Variants in VPS8 observed in about 807,000 individuals in gnomAD.
VPS8 encodes the protein VPS8 subunit of CORVET complex.
Under a neutral mutation model 216.4 loss-of-function variants are expected in VPS8, and 129 were observed. The ratio of observed to expected loss-of-function variants is 0.60; its 90% CI spans 0.52 to 0.69. The LOEUF is 0.69. VPS8 is among the 30% of genes least tolerant of loss of function. The pLI, the probability that VPS8 is intolerant of heterozygous loss-of-function variation, is 0.00. For missense variants in VPS8, 1,531 were observed against 1,683.5 expected (o/e 0.91, Z 1.59); for synonymous variants, 571 against 565.4 (o/e 1.01, Z -0.14).
At chr3:185,047,247 G>A (rs142625277) in intron 46 of VPS8, among the ~76,000 whole-genome samples, 111 of 152,330 alleles carry the variant, frequency 7.3e-4, no homozygotes, top group African/African-American at 2.5e-3. Context: ...AGTTAGTAGC[G>A]CTCAGTGAGA....
chr3:185,044,378 A>G (rs1712370903), intron 46 of VPS8, among the ~76,000 whole-genome samples: 1 of 152,096 alleles, frequency 6.6e-6, no homozygotes, highest in African/African-American at 2.4e-5. Flanking sequence ...TAACAATAAG[A>G]AAAGTACCTA....
At chr3:184,925,115 A>G (rs1739346177) in intron 30 of VPS8, 134 bp downstream of exon 30, 1 of 1,261,914 alleles carries the variant, frequency 7.9e-7, no homozygotes, top group Non-Finnish European at 1.1e-6. Flanking sequence ...CAGGTTTTGG[A>G]TCTAAGTTAG....
At chr3:185,015,001 C>T (rs1439890253) in intron 45 of VPS8, among the ~76,000 whole-genome samples, 1 of 152,190 alleles carries the variant, frequency 6.6e-6, no homozygotes, top group Non-Finnish European at 1.5e-5. Context: ...GCTAGTCTCC[C>T]AAACGAGGGA....
chr3:184,832,814 A>G lies in VPS8; in HGVS notation c.348A>G (p.Leu116=), dbSNP rs1262315340. 6.2e-7 allele frequency: 1 copy of G among 1,607,504 alleles called. No homozygotes were observed. Among genetic ancestry groups the G allele is most frequent in the East Asian group, 2.2e-5 (1 of 44,830 alleles). Residue 116 remains leucine, a synonymous_variant, in exon 4 of 48, where the codon TTA becomes TTG. Coordinates refer to ENST00000625842, the MANE Select transcript of VPS8 (RefSeq NM_001009921.3). The part of the protein sequence containing the change: ...ASSDSGDRTN[L]KRKKKLPDSF... ...CAGATAGTGGTGACAGGACCAACTT[A>G]AAAAGGTAGGTATTCATGTCAATCA... is the stretch of plus-strand genomic sequence containing the variant.
At chr3:184,969,332 G>T (rs1577017275) in intron 39 of VPS8, among the ~76,000 whole-genome samples, 1 of 150,652 alleles carries the variant, frequency 6.6e-6, no homozygotes, top group African/African-American at 2.4e-5. Context: ...TGGTCAGACT[G>T]GTCTTGAACT....
chr3:184,850,043 T>C (rs1244363194), intron 10 of VPS8, 21 bp downstream of exon 10: 1 of 1,576,882 alleles, frequency 6.3e-7, no homozygotes, highest in South Asian at 1.2e-5. Flanking sequence ...TATTTTCTTT[T>C]CCTAATAATT....
intron 3 of VPS8, among the ~76,000 whole-genome samples, chr3:184,828,202 C>T (rs542343081): frequency 3.9e-5 from 6 of 152,234 alleles, no homozygotes; most frequent in African/African-American, 7.2e-5. Context: ...TGCAATGGCA[C>T]GATCTTGGCT....
At chr3:184,914,100 C>G (rs911993344) in intron 26 of VPS8, among the ~76,000 whole-genome samples, 5 of 152,176 alleles carry the variant, frequency 3.3e-5, no homozygotes, top group Non-Finnish European at 5.9e-5. Flanking sequence ...GAATTGAGCC[C>G]TGATAGAACT....
intron 9 of VPS8, 61 bp downstream of exon 9, chr3:184,849,256 ACTTACAT>A (rs1336360415): frequency 3.2e-6 from 5 of 1,571,974 alleles, no homozygotes; most frequent in Non-Finnish European, 4.3e-6. Context: ...ATTTACAAAA[ACTTACAT>A]CTTAGATCAA....
At chr3:184,814,988 A>G (rs551783611) in intron 1 of VPS8, among the ~76,000 whole-genome samples, 14 of 152,246 alleles carry the variant, frequency 9.2e-5, no homozygotes, top group Admixed American at 7.8e-4. Flanking sequence ...GCTTTTTTCT[A>G]TTTCAAAAAA....
At chr3:184,855,627 C>T in intron 13 of VPS8, 84 bp from the exon 14 acceptor site, 1 of 1,090,890 alleles carries the variant, frequency 9.2e-7, no homozygotes, top group Non-Finnish European at 1.4e-6. Context: ...GAACACTAGT[C>T]AGATGCTGTT....
chr3:185,000,964 C>T (rs539797515), intron 45 of VPS8, among the ~76,000 whole-genome samples: 1 of 152,288 alleles, frequency 6.6e-6, no homozygotes, highest in Non-Finnish European at 1.5e-5. Context: ...GGAAAACCTC[C>T]TGACTAACTT....
rs116408685 is a variant in VPS8 at position 184,910,094 on chromosome 3, C to G, written c.2147-3425C>G. Among the ~76,000 whole-genome samples the G allele has an allele frequency of 1.4e-3, 209 of 148,350 alleles. 2 individuals carry two copies. Among genetic ancestry groups the G allele is most frequent in the Non-Finnish European group, 7.0e-4 (47 of 67,144 alleles). Reference sequence around the variant, plus strand: ...TGAGGGTAGACAGAGTTTGGGGATCCTTCCTCTTTCTCTTTTCTTTGCAAG... The same window carrying G: ...TGAGGGTAGACAGAGTTTGGGGATCGTTCCTCTTTCTCTTTTCTTTGCAAG... On this transcript the variant is annotated intron_variant, in intron 25 of 47. Transcript: ENST00000625842.
intron 45 of VPS8, among the ~76,000 whole-genome samples, chr3:185,000,963 C>T (rs924440778): frequency 4.6e-5 from 7 of 152,150 alleles, no homozygotes; most frequent in Non-Finnish European, 1.0e-4. Flanking sequence ...GGGAAAACCT[C>T]CTGACTAACT....
chr3:184,831,269 G>C (rs982451466), intron 3 of VPS8, among the ~76,000 whole-genome samples: 6 of 152,214 alleles, frequency 3.9e-5, no homozygotes, highest in Admixed American at 3.9e-4. Context: ...TGAGGCTGCA[G>C]TGAGCTGTGA....
At chr3:184,910,481 G>A (rs1179440526) in intron 25 of VPS8, among the ~76,000 whole-genome samples, 1 of 152,122 alleles carries the variant, frequency 6.6e-6, no homozygotes, top group Non-Finnish European at 1.5e-5. Flanking sequence ...CAGAGCCCAC[G>A]TGTTTCTCTC....
intron 34 of VPS8, among the ~76,000 whole-genome samples, chr3:184,934,462 C>T (rs1264546603): frequency 6.6e-6 from 1 of 152,170 alleles, no homozygotes; most frequent in African/African-American, 2.4e-5. Flanking sequence ...TGAGCCACCA[C>T]GCCCAGCCCC....
At chr3:184,930,394 C>A in intron 33 of VPS8, 76 bp from the exon 34 acceptor site, 1 of 985,158 alleles carries the variant, frequency 1.0e-6, no homozygotes, top group Non-Finnish European at 1.5e-6. Context: ...TAGATGTTTA[C>A]CAAGACTGGT....
At chr3:184,977,250 G>C (rs1038310772) in intron 40 of VPS8, among the ~76,000 whole-genome samples, 2 of 152,006 alleles carry the variant, frequency 1.3e-5, no homozygotes, top group African/African-American at 4.8e-5. Context: ...GGCCACTTGC[G>C]TGTCTTCTTT....
Sources: gnomAD v4.1 joint callset for allele counts (sites outside exome capture counted in the v4.1 genomes callset) on GRCh38, gnomAD v4.1.1 for gene constraint, MANE v1.5 for transcripts, NCBI Gene and HGNC (gene_info 2026-07-23, HGNC 2026-07-21) for gene names.